SLC35D4: variants seen among roughly 807,000 people sequenced by gnomAD.
The protein encoded by SLC35D4 is UDP-N-acetylglucosamine transporter SLC35D4.
the SLC35D4 span, among the ~76,000 whole-genome samples, chr18:23,372,092 C>T: frequency 1.3e-5 from 2 of 148,540 alleles, no homozygotes; most frequent in South Asian, 2.2e-4. Context: ...CCCGCCACTA[C>T]GCCCGGCTAA....
At chr18:23,318,295 A>T in the SLC35D4 span, among the ~76,000 whole-genome samples, 12 of 152,170 alleles carry the variant, frequency 7.9e-5, no homozygotes, top group African/African-American at 2.9e-4. Flanking sequence ...TTTAAAAATG[A>T]TGGAGGTATA....
the SLC35D4 span, among the ~76,000 whole-genome samples, chr18:23,311,574 G>T: frequency 1.3e-5 from 2 of 152,168 alleles, no homozygotes; most frequent in Non-Finnish European, 2.9e-5. Flanking sequence ...AGTTATAGAT[G>T]ATCTTGACTC....
At chr18:23,262,867 G>GT in the SLC35D4 span, among the ~76,000 whole-genome samples, 1 of 152,230 alleles carries the variant, frequency 6.6e-6, no homozygotes, top group African/African-American at 2.4e-5. Context: ...AAGAAGATGG[G>GT]TGGGAATGAA....
the SLC35D4 span, among the ~76,000 whole-genome samples, chr18:23,329,400 G>GT: frequency 6.6e-6 from 1 of 152,130 alleles, no homozygotes; most frequent in South Asian, 2.1e-4. Flanking sequence ...GGCAAAGGAT[G>GT]TAACAGACAC....
chr18:23,324,098 AAAG>A, the SLC35D4 span, among the ~76,000 whole-genome samples: 7 of 151,820 alleles, frequency 4.6e-5, no homozygotes, highest in South Asian at 1.2e-3. Context: ...AAAAAAAAAA[AAAG>A]AAGAAACCAG....
chr18:23,359,645 A>G, the SLC35D4 span, among the ~76,000 whole-genome samples: 1 of 152,114 alleles, frequency 6.6e-6, no homozygotes, highest in Non-Finnish European at 1.5e-5. Flanking sequence ...CGCCCTCAAA[A>G]CTGGCAGGAA....
At chr18:23,350,420 G>A in the SLC35D4 span, among the ~76,000 whole-genome samples, 1 of 152,120 alleles carries the variant, frequency 6.6e-6, no homozygotes, top group South Asian at 2.1e-4. Flanking sequence ...TCAAACCCCA[G>A]GCTGTTTTCA....
At chr18:23,241,363 T>C in the SLC35D4 span, among the ~76,000 whole-genome samples, 1 of 152,164 alleles carries the variant, frequency 6.6e-6, no homozygotes, top group African/African-American at 2.4e-5. Flanking sequence ...AAACTCTGTC[T>C]CTACTAAAAA....
At chr18:23,430,456 C>G in the SLC35D4 span, among the ~76,000 whole-genome samples, 6 of 152,262 alleles carry the variant, frequency 3.9e-5, no homozygotes, top group Non-Finnish European at 7.4e-5. Flanking sequence ...TGTCTAGTAA[C>G]ATTGTTTTCA....
chr18:23,395,907 T>A, the SLC35D4 span, among the ~76,000 whole-genome samples: 1 of 152,210 alleles, frequency 6.6e-6, no homozygotes, highest in African/African-American at 2.4e-5. Flanking sequence ...TGGCACATGC[T>A]TAACATCAAA....
the SLC35D4 span, among the ~76,000 whole-genome samples, chr18:23,253,269 G>A: frequency 1.6e-4 from 24 of 152,170 alleles, no homozygotes; most frequent in Non-Finnish European, 3.2e-4. Context: ...GATCACCTGA[G>A]GTCAGGGGCT....
chr18:23,261,496 G>A, the SLC35D4 span, among the ~76,000 whole-genome samples: 3 of 151,966 alleles, frequency 2.0e-5, no homozygotes, highest in Non-Finnish European at 2.9e-5. Flanking sequence ...GGTGGTACAC[G>A]CCTGTAGTCC....
the SLC35D4 span, among the ~76,000 whole-genome samples, chr18:23,424,373 G>A: frequency 6.6e-5 from 10 of 152,184 alleles, no homozygotes; most frequent in Admixed American, 6.5e-4. Flanking sequence ...CCAGGCATCT[G>A]CAGAATACGT....
At chr18:23,429,065 A>T in the SLC35D4 span, among the ~76,000 whole-genome samples, 1 of 152,168 alleles carries the variant, frequency 6.6e-6, no homozygotes, top group Admixed American at 6.5e-5. Context: ...ATATATATAC[A>T]CCAGATTTTC....
chr18:23,297,897 T>A, the SLC35D4 span: 3 of 1,335,750 alleles, frequency 2.2e-6, no homozygotes, highest in Non-Finnish European at 3.2e-6. Flanking sequence ...TGTCCTTGCA[T>A]TCCTCTTTCT....
At chr18:23,336,047 A>G in the SLC35D4 span, among the ~76,000 whole-genome samples, 4 of 152,262 alleles carry the variant, frequency 2.6e-5, no homozygotes, top group Non-Finnish European at 1.5e-5. Flanking sequence ...CTCGGAAAAA[A>G]TGAAGACAAC....
the SLC35D4 span, among the ~76,000 whole-genome samples, chr18:23,412,478 T>C: frequency 1.3e-5 from 2 of 152,212 alleles, no homozygotes; most frequent in South Asian, 2.1e-4. Context: ...TTTCTTTTTC[T>C]TTTTCTTTTT....
the SLC35D4 span, among the ~76,000 whole-genome samples, chr18:23,261,127 A>G: frequency 6.6e-6 from 1 of 152,196 alleles, no homozygotes; most frequent in East Asian, 1.9e-4. Context: ...CCTCACACAC[A>G]GACTTCTTGA....
the SLC35D4 span, among the ~76,000 whole-genome samples, chr18:23,256,067 TGGTTTGACCAGCCACTTAC>T: frequency 6.6e-6 from 1 of 152,202 alleles, no homozygotes; most frequent in Non-Finnish European, 1.5e-5. Flanking sequence ...ATAACAGTAA[TGGTTTGACCAGCCACTTAC>T]GGTAGCAAGA....
Sources: allele counts gnomAD v4.1 joint callset (sites outside exome capture counted in the v4.1 genomes callset), GRCh38; gene constraint gnomAD v4.1.1; transcripts MANE v1.5; gene names NCBI Gene and HGNC (gene_info 2026-07-23, HGNC 2026-07-21).